The following TES variants were observed in gnomAD, a reference collection of about 807,000 sequenced individuals.
TES encodes testin LIM domain protein.
TES carries 41 observed loss-of-function variants against 48.2 expected under a neutral mutation model. That is an observed-to-expected ratio of 0.85 (90% CI 0.66 to 1.10). The LOEUF (loss-of-function observed/expected upper bound fraction) is 1.10, where lower values mean the gene tolerates loss of function less well. Ranked by LOEUF, TES falls within the 50% of genes least tolerant of loss-of-function variation. The probability of loss-of-function intolerance (pLI) is 0.00; values close to 1 mark genes in which losing one functional copy is unlikely to be tolerated. For synonymous variants in TES, 162 were observed against 174.9 expected, an observed-to-expected ratio of 0.93 and a Z score of 0.58; for missense variants, 463 against 515.1, an observed-to-expected ratio of 0.90 and a Z score of 0.98.
intron 2 of TES, among the ~76,000 whole-genome samples, chr7:116,235,703 C>T (rs1396223888): frequency 6.6e-6 from 1 of 152,134 alleles, no homozygotes; most frequent in Non-Finnish European, 1.5e-5. Flanking sequence ...GATAACTATA[C>T]AGTTTTAGGA....
chr7:116,210,638 C>T lies in TES; in HGVS notation c.-70C>T. 7.8e-7 allele frequency: 1 copy of T among 1,289,906 alleles called. No homozygotes were observed. Among genetic ancestry groups the T allele is most frequent in the South Asian group, 2.5e-5 (1 of 39,804 alleles). The allele number at this position is 1,289,906 out of a possible 1,614,324, so 79.9% of individuals were successfully genotyped here. On this transcript the variant is annotated 5_prime_UTR_variant, in exon 1 of 7. Transcript: ENST00000358204. ...CAGGTTTCCCGTGTTCGCAGCGGAGCCGGAGGCCAGCTGAACCCGGCCGTG... is the reference window on the plus strand; with the variant it reads ...CAGGTTTCCCGTGTTCGCAGCGGAGTCGGAGGCCAGCTGAACCCGGCCGTG...
chr7:116,250,256 C>G lies in TES; in HGVS notation c.462C>G (p.Leu154=). The change falls in exon 4 of 7, where the codon CTC becomes CTG. Residue 154 remains leucine, a synonymous_variant. Coordinates refer to ENST00000358204, the MANE Select transcript of TES (RefSeq NM_015641.4). ...QYRKKQLAKQ[L]PAHDQDPSKC... ...GGAAGAAGCAGCTGGCAAAGCAGCT[C>G]CCTGCACATGACCAGGACCCTTCAA... The G allele has an allele frequency of 6.2e-7, 1 of 1,611,820 alleles. No individual in the cohort carries two copies. Among genetic ancestry groups the G allele is most frequent in the Non-Finnish European group, 8.5e-7 (1 of 1,178,996 alleles).
chr7:116,211,481 CT>C (rs1167119933), intron 1 of TES: 1 of 152,328 alleles, frequency 6.6e-6, no homozygotes, highest in Non-Finnish European at 1.5e-5. Context: ...ACCTGAGCCA[CT>C]CCCGGGTTAT....
At chr7:116,239,853 A>G (rs905396097) in intron 2 of TES, among the ~76,000 whole-genome samples, 1 of 152,082 alleles carries the variant, frequency 6.6e-6, no homozygotes, top group Non-Finnish European at 1.5e-5. Context: ...AATGTATGAC[A>G]CAGACCCAAG....
chr7:116,254,888 A>G (rs1800074382), intron 6 of TES, among the ~76,000 whole-genome samples: 1 of 152,012 alleles, frequency 6.6e-6, no homozygotes, highest in African/African-American at 2.4e-5. Flanking sequence ...CATTGCCAGA[A>G]CAGATTCCAG....
At chr7:116,241,319 T>A (rs1197223138) in intron 2 of TES, among the ~76,000 whole-genome samples, 1 of 152,196 alleles carries the variant, frequency 6.6e-6, no homozygotes, top group African/African-American at 2.4e-5. Flanking sequence ...AACCTAAAAC[T>A]AGGTAAGTGG....
intron 1 of TES, among the ~76,000 whole-genome samples, chr7:116,226,201 C>T (rs138212017): frequency 1.3e-3 from 195 of 152,264 alleles, no homozygotes; most frequent in African/African-American, 4.5e-3. Context: ...AACTTTCTAG[C>T]ACTATTGTAA....
Position 116,257,281 on chromosome 7 carries a change from T to C in TES, c.1078-13T>C, listed in dbSNP as rs757716250. 2 of 1,590,132 alleles carry C rather than the reference T, an allele frequency of 1.3e-6. No individual in the cohort carries two copies. Among genetic ancestry groups the C allele is most frequent in the Non-Finnish European group, 1.7e-6 (2 of 1,167,124 alleles). ...GATCTCTCACCCTCTTCTCTTGTAT[T>C]ATTTCTTAATAGGTGTGTCAAGGAT... On this transcript the variant is annotated splice_polypyrimidine_tract_variant and intron_variant, in intron 6 of 6. Transcript: ENST00000358204.
chr7:116,248,218 T>C (rs1563013622), intron 2 of TES, among the ~76,000 whole-genome samples: 2 of 152,198 alleles, frequency 1.3e-5, no homozygotes, highest in African/African-American at 2.4e-5. Context: ...CAGTCTACCA[T>C]TGATGGGCGT....
chr7:116,216,767 TTTAA>T (rs1294727564), intron 1 of TES, among the ~76,000 whole-genome samples: 1 of 152,096 alleles, frequency 6.6e-6, no homozygotes, highest in Non-Finnish European at 1.5e-5. Context: ...TTAGGTTAAG[TTTAA>T]TTAATTTAAA....
intron 1 of TES, among the ~76,000 whole-genome samples, chr7:116,212,213 T>A (rs556348178): frequency 6.6e-6 from 1 of 152,334 alleles, no homozygotes; most frequent in Non-Finnish European, 1.5e-5. Flanking sequence ...AGTATTTATT[T>A]GAAGACAACT....
At chr7:116,246,986 T>G (rs1799935771) in intron 2 of TES, among the ~76,000 whole-genome samples, 1 of 145,748 alleles carries the variant, frequency 6.9e-6, no homozygotes, top group Admixed American at 7.0e-5. Context: ...TGTCCTAGTG[T>G]CAAGTACATT....
chr7:116,251,774 C>A lies in TES; in HGVS notation c.717C>A (p.Cys239Ter), dbSNP rs1800014400. Residue 239 changes from cysteine to a stop codon, truncating the protein, a stop_gained, in exon 5 of 7, where the codon TGC (cysteine) becomes TGA (stop). Transcript: ENST00000358204. LOFTEE classifies it high-confidence loss of function. ...HKRTQYSCYC[C>*]KLSMKEGDPA... ...TTCCCTTTCAGTCCTGCTATTGCTG[C>A]AAACTGAGTATGAAAGAAGGTGACC... 1.2e-6 allele frequency: 2 copies of A among 1,614,058 alleles called. No homozygotes were observed. The highest frequency in any genetic ancestry group is 1.7e-6 in the Non-Finnish European group (2 of 1,180,008).
At chr7:116,216,140 A>C (rs1051529133) in intron 1 of TES, among the ~76,000 whole-genome samples, 7 of 152,128 alleles carry the variant, frequency 4.6e-5, no homozygotes, top group Non-Finnish European at 4.4e-5. Flanking sequence ...GAGAGTGATA[A>C]ATTGGTAACA....
In TES at chr7:116,257,419, G is replaced by A; in HGVS notation, c.1203G>A (p.Gln401=). 1 of 1,614,094 alleles carries A rather than the reference G, an allele frequency of 6.2e-7. No homozygotes were observed. The highest frequency in any genetic ancestry group is 8.5e-7 in the Non-Finnish European group (1 of 1,179,996). ...GCTGCAGCAAATGCCTCATTGGGCA[G>A]AAGTTCATGCCAGTAGAAGGGATGG... is the stretch of plus-strand genomic sequence containing the variant. ...CSCCSKCLIG[Q]KFMPVEGMVF... Residue 401 remains glutamine, a synonymous_variant, in exon 7 of 7, where the codon CAG becomes CAA. Coordinates refer to ENST00000358204, the MANE Select transcript of TES (RefSeq NM_015641.4).
chr7:116,253,323 G>A (rs772764692), intron 6 of TES, among the ~76,000 whole-genome samples: 7 of 152,116 alleles, frequency 4.6e-5, no homozygotes, highest in African/African-American at 1.4e-4. Flanking sequence ...AATTTTCAGC[G>A]TTCACCCATT....
intron 6 of TES, chr7:116,255,379 T>C (rs6948556): frequency 0.33 from 49,638 of 152,128 alleles, 8,438 homozygotes; most frequent in East Asian, 0.58. Context: ...CCCAGGCCCT[T>C]GGCGCAGCCT....
At position 116,229,806 on chromosome 7, in the gene TES, A is replaced by G. The variant is rs146219238; in HGVS notation, c.28-4728A>G. On this transcript the variant is annotated intron_variant, in intron 1 of 6. Coordinates refer to ENST00000358204, the MANE Select transcript of TES (RefSeq NM_015641.4). ...CAACTGCATTCTAAATTATAATTCA[A>G]TCTGAAACTAGGCACATCCTAAACA... Among the ~76,000 whole-genome samples the G allele has an allele frequency of 4.0e-3, 614 of 152,326 alleles. 3 individuals are homozygous for G. Among genetic ancestry groups the G allele is most frequent in the African/African-American group, 0.014 (572 of 41,574 alleles).
chr7:116,225,748 C>G (rs570662080), intron 1 of TES, among the ~76,000 whole-genome samples: 1 of 152,284 alleles, frequency 6.6e-6, no homozygotes, highest in South Asian at 2.1e-4. Context: ...CAACTAAAGA[C>G]CCTTAACTGA....
Sources: allele counts gnomAD v4.1 joint callset (sites outside exome capture counted in the v4.1 genomes callset), GRCh38; gene constraint gnomAD v4.1.1; transcripts MANE v1.5; gene names NCBI Gene and HGNC (gene_info 2026-07-23, HGNC 2026-07-21).